SOX5: variants seen among roughly 807,000 people sequenced by gnomAD.
SOX5 encodes SRY-box transcription factor 5, also known as transcription factor SOX-5.
Under a neutral mutation model 92.0 loss-of-function variants are expected in SOX5, and 9 were observed. That is an observed-to-expected ratio of 0.10 (90% confidence interval 0.06 to 0.17). SOX5 has a LOEUF of 0.17. Ranked by LOEUF, SOX5 falls within the 10% of genes least tolerant of loss-of-function variation. SOX5 has a pLI of 1.00. For synonymous variants in SOX5, 344 were observed against 336.3 expected (o/e 1.02, Z -0.25); for missense variants, 642 against 944.5 (o/e 0.68, Z 4.20).
At chr12:23,829,667 A>G (rs2096283459) in intron 3 of SOX5, among the ~76,000 whole-genome samples, 1 of 152,166 alleles carries the variant, frequency 6.6e-6, no homozygotes, top group East Asian at 1.9e-4. Flanking sequence ...CTTAAGAAGT[A>G]CCAGAAATGC....
At chr12:24,262,093 A>T (rs1942181326) in intron 3 of SOX5, among the ~76,000 whole-genome samples, 2 of 152,238 alleles carry the variant, frequency 1.3e-5, no homozygotes, top group Admixed American at 1.3e-4. Flanking sequence ...AGATAAAAAC[A>T]GACTACTGCT....
intron 1 of SOX5, among the ~76,000 whole-genome samples, chr12:23,915,722 T>C (rs927261572): frequency 6.6e-6 from 1 of 152,132 alleles, no homozygotes; most frequent in South Asian, 2.1e-4. Context: ...ATTCCCACCA[T>C]GTGCTTCTTT....
chr12:23,558,976 C>A (rs1945731460), intron 11 of SOX5, among the ~76,000 whole-genome samples: 1 of 152,198 alleles, frequency 6.6e-6, no homozygotes, highest in Non-Finnish European at 1.5e-5. Context: ...ACAGCTATGA[C>A]AGTAAAGGCA....
intron 4 of SOX5, among the ~76,000 whole-genome samples, chr12:24,130,028 T>C (rs1949496531): frequency 6.6e-6 from 1 of 152,186 alleles, no homozygotes; most frequent in Non-Finnish European, 1.5e-5. Flanking sequence ...AGATAGTGTA[T>C]ATTGCATGTA....
chr12:23,857,884 C>A (rs1311976263), intron 2 of SOX5, among the ~76,000 whole-genome samples: 1 of 152,054 alleles, frequency 6.6e-6, no homozygotes, highest in Non-Finnish European at 1.5e-5. Context: ...AGGTGCCTGC[C>A]ACCACACTTG....
chr12:23,675,808 A>G (rs924346172), intron 6 of SOX5, among the ~76,000 whole-genome samples: 5 of 152,206 alleles, frequency 3.3e-5, no homozygotes, highest in Non-Finnish European at 5.9e-5. Context: ...TGTCCAAACC[A>G]TATAAGGAAC....
chr12:23,847,349 C>T (rs898321320), intron 2 of SOX5, among the ~76,000 whole-genome samples: 2 of 152,068 alleles, frequency 1.3e-5, no homozygotes, highest in African/African-American at 4.8e-5. Flanking sequence ...TTAGATTATA[C>T]CTGTTTGCAC....
chr12:24,258,410 A>C (rs1941580480), intron 3 of SOX5, among the ~76,000 whole-genome samples: 1 of 152,210 alleles, frequency 6.6e-6, no homozygotes, highest in Non-Finnish European at 1.5e-5. Flanking sequence ...AAAACTATTA[A>C]GTATTATAAA....
At position 24,468,995 on chromosome 12, in the gene SOX5, C is replaced by T. The variant is rs569218623; in HGVS notation, c.-251+93334G>A. On this transcript the variant is annotated intron_variant, in intron 1 of 4. Coordinates refer to the SOX5 transcript ENST00000446891. ...ATTCAAGAGCATTACAATTATGGCGCACTTTATTTCCACTATTATCACATT... is the reference window on the plus strand; with the variant it reads ...ATTCAAGAGCATTACAATTATGGCGTACTTTATTTCCACTATTATCACATT... Among the ~76,000 whole-genome samples the T allele has an allele frequency of 2.0e-5, 3 of 152,234 alleles. No individual in the cohort carries two copies. In the South Asian group the frequency reaches 6.2e-4, roughly 32 times the overall value.
chr12:23,666,763 T>C (rs933026541), intron 6 of SOX5, among the ~76,000 whole-genome samples: 1 of 152,162 alleles, frequency 6.6e-6, no homozygotes, highest in African/African-American at 2.4e-5. Flanking sequence ...CCCACATCTA[T>C]GAAGCCTTGA....
At chr12:24,387,619 G>T (rs1005974390) in intron 1 of SOX5, among the ~76,000 whole-genome samples, 3 of 152,084 alleles carry the variant, frequency 2.0e-5, no homozygotes, top group African/African-American at 7.2e-5. Context: ...AGACACACAA[G>T]CTTCTCTGAC....
intron 6 of SOX5, among the ~76,000 whole-genome samples, chr12:23,726,007 G>C (rs1232274962): frequency 6.6e-6 from 1 of 152,090 alleles, no homozygotes; most frequent in Non-Finnish European, 1.5e-5. Flanking sequence ...CTAGGGATAA[G>C]CCTAGTGGCA....
chr12:24,112,521 C>CTTTTTT (rs139323766), intron 4 of SOX5, among the ~76,000 whole-genome samples: 5 of 75,692 alleles, frequency 6.6e-5, no homozygotes, highest in South Asian at 6.3e-4. Flanking sequence ...TTCAAGGTTC[C>CTTTTTT]TTTTTTTTTT....
At chr12:24,361,128 T>C (rs1955509227) in intron 2 of SOX5, among the ~76,000 whole-genome samples, 1 of 152,160 alleles carries the variant, frequency 6.6e-6, no homozygotes, top group Admixed American at 6.6e-5. Flanking sequence ...GAATATTCCA[T>C]GCAGTTTTGA....
At chr12:23,699,380 G>A in intron 6 of SOX5, among the ~76,000 whole-genome samples, 1 of 152,132 alleles carries the variant, frequency 6.6e-6, no homozygotes, top group East Asian at 1.9e-4. Context: ...GGTTAATCTG[G>A]TTCCTATATC....
intron 4 of SOX5, among the ~76,000 whole-genome samples, chr12:24,029,876 T>A (rs1279204296): frequency 6.6e-6 from 1 of 152,030 alleles, no homozygotes; most frequent in Non-Finnish European, 1.5e-5. Flanking sequence ...TAGTTATGTG[T>A]AATGCAAGAG....
intron 4 of SOX5, among the ~76,000 whole-genome samples, chr12:23,991,501 A>G (rs148888612): frequency 0.02 from 3,050 of 152,110 alleles, 38 homozygotes; most frequent in East Asian, 0.04. Context: ...AAAATGAATT[A>G]CCAAAAATTT....
intron 1 of SOX5, among the ~76,000 whole-genome samples, chr12:24,472,787 GCTAA>G (rs1452206619): frequency 6.6e-6 from 1 of 151,706 alleles, no homozygotes; most frequent in Non-Finnish European, 1.5e-5. Flanking sequence ...CAAATAATAT[GCTAA>G]CTAATATGCT....
intron 1 of SOX5, among the ~76,000 whole-genome samples, chr12:24,463,290 T>C (rs1281403864): frequency 6.6e-6 from 1 of 152,096 alleles, no homozygotes; most frequent in African/African-American, 2.4e-5. Flanking sequence ...TTTGGGGCAA[T>C]TGAAGGTATT....
Sources: gnomAD v4.1 joint callset for allele counts (sites outside exome capture counted in the v4.1 genomes callset) on GRCh38, gnomAD v4.1.1 for gene constraint, MANE v1.5 for transcripts, NCBI Gene and HGNC (gene_info 2026-07-23, HGNC 2026-07-21) for gene names.